Variants in OSMR observed in about 807,000 individuals in gnomAD.
The protein encoded by OSMR is oncostatin-M-specific receptor subunit beta.
OSMR carries 81 observed loss-of-function variants against 99.9 expected under a neutral mutation model. That is an observed-to-expected ratio of 0.81 (90% CI 0.68 to 0.97). The LOEUF (loss-of-function observed/expected upper bound fraction) is 0.97. Ranked by LOEUF, OSMR falls within the 50% of genes least tolerant of loss-of-function variation. OSMR has a pLI of 0.00. For synonymous variants in OSMR, 406 were observed against 410.4 expected, an observed-to-expected ratio of 0.99 and a Z score of 0.13; for missense variants, 1,099 against 1,153.4, an observed-to-expected ratio of 0.95 and a Z score of 0.68.
At chr5:38,930,920 TTGTGTGTGTGTGTGTGTGTGTGTG>T (rs55964556) in intron 15 of OSMR, among the ~76,000 whole-genome samples, 1 of 141,890 alleles carries the variant, frequency 7.0e-6, no homozygotes, top group African/African-American at 2.7e-5. Flanking sequence ...CAGAAGCATT[TTGTGTGTGTGTGTGTGTGTGTGTG>T]TGTGTGTGTG....
chr5:38,901,933 T>C (rs1417054341), intron 7 of OSMR, among the ~76,000 whole-genome samples: 1 of 152,198 alleles, frequency 6.6e-6, no homozygotes, highest in East Asian at 1.9e-4. Context: ...GCCTCATTTT[T>C]ATTAGAGGAT....
At chr5:38,917,679 C>T in intron 10 of OSMR, 57 bp downstream of exon 10, 2 of 1,382,516 alleles carry the variant, frequency 1.4e-6, no homozygotes, top group East Asian at 2.3e-5. Flanking sequence ...TTTGTGGAAA[C>T]AAATGTGTCT....
intron 9 of OSMR, among the ~76,000 whole-genome samples, chr5:38,906,964 C>G (rs1327986165): frequency 6.6e-6 from 1 of 152,158 alleles, no homozygotes; most frequent in African/African-American, 2.4e-5. Context: ...CTATTTAACA[C>G]TTTCACACTT....
intron 7 of OSMR, among the ~76,000 whole-genome samples, chr5:38,893,805 C>A (rs547593015): frequency 6.6e-6 from 1 of 152,064 alleles, no homozygotes; most frequent in South Asian, 2.1e-4. Context: ...GGTAGACACC[C>A]AGATACAAGA....
downstream of OSMR, chr5:38,938,421 G>C (rs563631397): frequency 4.3e-6 from 1 of 231,224 alleles, no homozygotes; most frequent in Non-Finnish European, 8.6e-6. Flanking sequence ...TCTGCCCCAA[G>C]ACTTTGCATT....
intron 1 of OSMR, among the ~76,000 whole-genome samples, chr5:38,846,857 C>T (rs1032152451): frequency 2.6e-5 from 4 of 152,222 alleles, no homozygotes; most frequent in African/African-American, 9.6e-5. Context: ...TGTGAGGGCA[C>T]TGAAATCCGA....
At chr5:38,888,679 C>T (rs1025842568) in intron 7 of OSMR, among the ~76,000 whole-genome samples, 1 of 152,116 alleles carries the variant, frequency 6.6e-6, no homozygotes, top group Admixed American at 6.5e-5. Context: ...ACTATATCAT[C>T]ATTGTCAGAG....
chr5:38,932,798 A>G (rs982715182), intron 17 of OSMR, 74 bp from the exon 18 acceptor site: 11 of 1,600,142 alleles, frequency 6.9e-6, no homozygotes, highest in Non-Finnish European at 9.4e-6. Context: ...TGTATTTCAC[A>G]TGCTTAATAT....
Position 38,882,726 on chromosome 5 carries a change from A to G in OSMR, c.418+962A>G, listed in dbSNP as rs76103364. ...GAGATTATTTGCGCACGTTAAACTAATAATACTAATGAGATAATAATAATT... is the reference window on the plus strand; with the variant it reads ...GAGATTATTTGCGCACGTTAAACTAGTAATACTAATGAGATAATAATAATT... On this transcript the variant is annotated intron_variant, in intron 4 of 17. Transcript: ENST00000274276. Among the ~76,000 whole-genome samples, 937 of 152,324 alleles carry G rather than the reference A, an allele frequency of 6.2e-3. 15 individuals are homozygous for G. The highest frequency in any genetic ancestry group is 0.022 in the African/African-American group (894 of 41,564).
At chr5:38,863,197 G>A (rs1317787688) in intron 1 of OSMR, among the ~76,000 whole-genome samples, 1 of 47,068 alleles carries the variant, frequency 2.1e-5, no homozygotes, top group Non-Finnish European at 5.4e-5. Flanking sequence ...GAGGGAGAGG[G>A]GGAGGGGGAG....
intron 7 of OSMR, among the ~76,000 whole-genome samples, chr5:38,898,384 G>A (rs539387504): frequency 6.6e-6 from 1 of 152,254 alleles, no homozygotes; most frequent in East Asian, 1.9e-4. Context: ...GTTTTGTCTT[G>A]AAATCTATTT....
chr5:38,923,592 A>C (rs976223303), intron 13 of OSMR, among the ~76,000 whole-genome samples: 2 of 152,062 alleles, frequency 1.3e-5, no homozygotes, highest in Non-Finnish European at 2.9e-5. Flanking sequence ...TCAGCTTTTA[A>C]AATTTTTTTT....
intron 7 of OSMR, among the ~76,000 whole-genome samples, chr5:38,889,138 G>T (rs554998489): frequency 6.6e-6 from 1 of 151,984 alleles, no homozygotes; most frequent in Non-Finnish European, 1.5e-5. Context: ...TTGTCTTGGT[G>T]TTGGCTATTC....
At position 38,935,413 on chromosome 5, in the gene OSMR, T is replaced by TAACAAACA. The variant is rs34747631; in HGVS notation, c.*1973_*1974insAACAAACA. On this transcript the variant is annotated 3_prime_UTR_variant, in exon 18 of 18. Coordinates refer to ENST00000274276, the MANE Select transcript of OSMR (RefSeq NM_003999.3). ...GTAGAAAGCGGTATCCTGATTAGTCTAACAGTTGTGTTAGACTTTAGGGCC... is the reference window on the plus strand; with the variant it reads ...GTAGAAAGCGGTATCCTGATTAGTCTAACAAACAAACAGTTGTGTTAGACTTTAGGGCC... The TAACAAACA allele has an allele frequency of 2.0e-5, 3 of 152,186 alleles. No individual in the cohort carries two copies. Among genetic ancestry groups the TAACAAACA allele is most frequent in the African/African-American group, 7.2e-5 (3 of 41,428 alleles). The allele number at this position is 152,186 out of a possible 1,614,324, so 9.4% of individuals were successfully genotyped here.
At chr5:38,866,386 G>C (rs2112210053) in intron 1 of OSMR, among the ~76,000 whole-genome samples, 1 of 152,298 alleles carries the variant, frequency 6.6e-6, no homozygotes, top group Middle Eastern at 3.4e-3. Context: ...GCTGGAGGTG[G>C]GGGGCAGGTT....
intron 3 of OSMR, among the ~76,000 whole-genome samples, chr5:38,877,594 C>T (rs1157616480): frequency 6.6e-6 from 1 of 152,092 alleles, no homozygotes; most frequent in African/African-American, 2.4e-5. Flanking sequence ...AATGGGTACA[C>T]TTGTTGGTAA....
In OSMR at chr5:38,925,338, A is replaced by G; in HGVS notation, c.2179A>G (p.Thr727Ala). Residue 727 changes from threonine to alanine, a missense_variant, in exon 15 of 18, where the codon ACG (threonine) becomes GCG (alanine). Coordinates refer to ENST00000274276, the MANE Select transcript of OSMR (RefSeq NM_003999.3). Reference sequence around the variant, plus strand: ...TAGTGCTGGTGAAGGCCCCAGTGCTACGTTCACGAAGGTCACGACTCCGGA... The same window carrying G: ...TAGTGCTGGTGAAGGCCCCAGTGCTGCGTTCACGAAGGTCACGACTCCGGA... ...FTSAGEGPSA[T>A]FTKVTTPDEH... 6 of 1,614,130 alleles carry G rather than the reference A, an allele frequency of 3.7e-6. No individual in the cohort carries two copies. Among genetic ancestry groups the G allele is most frequent in the Non-Finnish European group, 5.1e-6 (6 of 1,179,982 alleles).
chr5:38,876,170 A>T, intron 2 of OSMR, 31 bp from the exon 3 acceptor site: 1 of 1,594,640 alleles, frequency 6.3e-7, no homozygotes, highest in Non-Finnish European at 8.6e-7. Context: ...CCTATTAAAT[A>T]TTATTTCATA....
intron 7 of OSMR, among the ~76,000 whole-genome samples, chr5:38,890,709 A>G (rs1306697820): frequency 1.3e-5 from 2 of 152,164 alleles, no homozygotes; most frequent in African/African-American, 4.8e-5. Context: ...GAAAAAGTCA[A>G]TAGATTCAGA....
Sources: gnomAD v4.1 joint callset for allele counts (sites outside exome capture counted in the v4.1 genomes callset) on GRCh38, gnomAD v4.1.1 for gene constraint, MANE v1.5 for transcripts, NCBI Gene and HGNC (gene_info 2026-07-23, HGNC 2026-07-21) for gene names.